SATB2: variants seen among roughly 807,000 people sequenced by gnomAD.
The protein encoded by SATB2 is DNA-binding protein SATB2.
Under a neutral mutation model 73.4 loss-of-function variants are expected in SATB2, and 1 was observed. The ratio of observed to expected loss-of-function variants is 0.01; its 90% CI spans 0.00 to 0.06. The LOEUF (loss-of-function observed/expected upper bound fraction) is 0.06, where lower values mean the gene tolerates loss of function less well. Ranked by LOEUF, SATB2 falls within the 10% of genes least tolerant of loss-of-function variation. SATB2 has a pLI of 1.00. For synonymous variants in SATB2, 397 were observed against 367.0 expected (o/e 1.08, Z -0.93); for missense variants, 459 against 945.8 (o/e 0.49, Z 6.75).
intron 10 of SATB2, among the ~76,000 whole-genome samples, chr2:199,289,941 C>T (rs966680876): frequency 6.6e-6 from 1 of 152,230 alleles, no homozygotes; most frequent in Non-Finnish European, 1.5e-5. Context: ...TGACTTCCTC[C>T]CAACAGGCCT....
At chr2:199,424,930 G>T (rs1025572468) in intron 3 of SATB2, among the ~76,000 whole-genome samples, 14 of 152,166 alleles carry the variant, frequency 9.2e-5, no homozygotes, top group African/African-American at 2.7e-4. Context: ...AAATTTAAGT[G>T]CTTTAACGAA....
At chr2:199,370,875 A>T (rs1276305602) in intron 5 of SATB2, among the ~76,000 whole-genome samples, 1 of 151,668 alleles carries the variant, frequency 6.6e-6, no homozygotes, top group Non-Finnish European at 1.5e-5. Context: ...TGTCCCAGAT[A>T]ATCATAAATA....
intron 2 of SATB2, among the ~76,000 whole-genome samples, chr2:199,440,633 G>T (rs987894722): frequency 6.6e-6 from 1 of 152,068 alleles, no homozygotes; most frequent in Non-Finnish European, 1.5e-5. Flanking sequence ...TCCCCCAGCT[G>T]CTCCAGTTTT....
At chr2:199,338,637 G>T (rs1688409088) in intron 7 of SATB2, among the ~76,000 whole-genome samples, 1 of 152,096 alleles carries the variant, frequency 6.6e-6, no homozygotes, top group Non-Finnish European at 1.5e-5. Context: ...GAAAAGATAG[G>T]CTGGGAGTGA....
chr2:199,305,365 G>T (rs948652778), intron 10 of SATB2, among the ~76,000 whole-genome samples: 11 of 151,932 alleles, frequency 7.2e-5, no homozygotes, highest in Admixed American at 3.3e-4. Context: ...AAGGTGGGAG[G>T]AGGGGGAGGG....
At chr2:199,442,408 T>C (rs1262183891) in intron 2 of SATB2, among the ~76,000 whole-genome samples, 1 of 152,170 alleles carries the variant, frequency 6.6e-6, no homozygotes, top group Non-Finnish European at 1.5e-5. Flanking sequence ...GATGGGTGCG[T>C]AACAAAGTGG....
chr2:199,292,946 G>C lies in SATB2; in HGVS notation c.1740+15814C>G, dbSNP rs556455309. On this transcript the variant is annotated intron_variant, in intron 10 of 10. Coordinates refer to ENST00000417098, the MANE Select transcript of SATB2 (RefSeq NM_001172509.2). ...TTCCGCAGTTGCAGTACATCTAGATGATGGTGCCAAATGAAACTGTTGAGT... is the reference window on the plus strand; with the variant it reads ...TTCCGCAGTTGCAGTACATCTAGATCATGGTGCCAAATGAAACTGTTGAGT... Among the ~76,000 whole-genome samples the C allele has an allele frequency of 2.0e-5, 3 of 152,258 alleles. 1 individual carries two copies. The highest frequency in any genetic ancestry group is 2.0e-4 in the Admixed American group (3 of 15,302).
intron 3 of SATB2, among the ~76,000 whole-genome samples, chr2:199,418,664 A>C (rs1179765797): frequency 6.6e-6 from 1 of 152,204 alleles, no homozygotes; most frequent in East Asian, 1.9e-4. Flanking sequence ...TTTAACTCTT[A>C]TTAAATAAAC....
At chr2:199,447,698 T>G (rs1004171981) in intron 2 of SATB2, among the ~76,000 whole-genome samples, 2 of 152,194 alleles carry the variant, frequency 1.3e-5, no homozygotes, top group African/African-American at 4.8e-5. Flanking sequence ...GGGCAACCAC[T>G]TTCCATGGGC....
At chr2:199,355,625 T>C (rs989656103) in intron 6 of SATB2, among the ~76,000 whole-genome samples, 5 of 151,848 alleles carry the variant, frequency 3.3e-5, no homozygotes, top group Non-Finnish European at 5.9e-5. Context: ...GGGTTATAAC[T>C]AGATGAGTGA....
chr2:199,320,764 ACTCT>A (rs1288743462), intron 9 of SATB2, among the ~76,000 whole-genome samples: 1 of 151,782 alleles, frequency 6.6e-6, no homozygotes, highest in African/African-American at 2.4e-5. Flanking sequence ...CACCATTCCT[ACTCT>A]CTCTAAAACT....
intron 3 of SATB2, among the ~76,000 whole-genome samples, chr2:199,383,387 G>C (rs960709921): frequency 2.0e-5 from 3 of 152,196 alleles, no homozygotes; most frequent in African/African-American, 7.2e-5. Context: ...ACCCACGAGA[G>C]AGTGGGTCTG....
upstream of SATB2, among the ~76,000 whole-genome samples, chr2:199,465,328 A>G (rs1191732109): frequency 6.6e-6 from 1 of 152,256 alleles, no homozygotes. Context: ...CAATACAAGT[A>G]TAATATAAGG....
chr2:199,448,233 T>C (rs1307167803), intron 2 of SATB2, among the ~76,000 whole-genome samples: 1 of 152,222 alleles, frequency 6.6e-6, no homozygotes, highest in Non-Finnish European at 1.5e-5. Context: ...TATGTAATAA[T>C]AATTGAAACA....
chr2:199,444,026 G>A (rs1559058540), intron 2 of SATB2, among the ~76,000 whole-genome samples: 1 of 152,126 alleles, frequency 6.6e-6, no homozygotes, highest in Non-Finnish European at 1.5e-5. Context: ...AATATTTTAA[G>A]TATATATGTA....
At chr2:199,325,145 T>A (rs967740236) in intron 8 of SATB2, among the ~76,000 whole-genome samples, 1 of 152,164 alleles carries the variant, frequency 6.6e-6, no homozygotes, top group Non-Finnish European at 1.5e-5. Flanking sequence ...ATTTTTCTTC[T>A]ACCTCCTTCT....
chr2:199,344,548 A>G (rs977907492), intron 7 of SATB2, among the ~76,000 whole-genome samples: 9 of 152,210 alleles, frequency 5.9e-5, no homozygotes, highest in African/African-American at 1.9e-4. Flanking sequence ...ATTAGCTAAG[A>G]GTCAAGGGAA....
intron 3 of SATB2, among the ~76,000 whole-genome samples, chr2:199,426,084 G>A (rs950013407): frequency 3.3e-5 from 5 of 151,992 alleles, no homozygotes; most frequent in African/African-American, 1.2e-4. Flanking sequence ...AAAAAGCAGC[G>A]TGTCTGTTAA....
chr2:199,409,165 TTC>T (rs1491281807), intron 3 of SATB2, among the ~76,000 whole-genome samples: 7 of 139,760 alleles, frequency 5.0e-5, no homozygotes, highest in African/African-American at 1.7e-4. Context: ...CTTTTTTCTT[TTC>T]TTTTTTTTTT....
Sources: gnomAD v4.1 joint callset for allele counts (sites outside exome capture counted in the v4.1 genomes callset) on GRCh38, gnomAD v4.1.1 for gene constraint, MANE v1.5 for transcripts, NCBI Gene and HGNC (gene_info 2026-07-23, HGNC 2026-07-21) for gene names.